Variants in ITGA5 observed in about 807,000 individuals in gnomAD.
The protein encoded by ITGA5 is integrin subunit alpha 5.
A neutral mutation model predicts 146.3 loss-of-function variants in ITGA5; 55 were observed. The observed-to-expected ratio is 0.38, with a 90% CI of 0.30 to 0.47. The LOEUF is 0.47. Ranked by LOEUF, ITGA5 falls within the 20% of genes least tolerant of loss-of-function variation. The pLI is 0.99. For missense variants in ITGA5, 1,131 were observed against 1,329.0 expected (o/e 0.85, Z 2.32); for synonymous variants, 500 against 531.8 (o/e 0.94, Z 0.82).
rs1955699944 is a variant in ITGA5 at position 54,395,805 on chromosome 12, G to C, written c.*488C>G. 1 of 160,910 alleles carries C rather than the reference G, an allele frequency of 6.2e-6. No individual in the cohort carries two copies. The highest frequency in any genetic ancestry group is 2.4e-5 in the African/African-American group (1 of 41,490). The allele number at this position is 160,910 out of a possible 1,614,324, so 10.0% of individuals were successfully genotyped here. Reference sequence around the variant, plus strand: ...GTTAGTGTTCTTTGTTGGCCCACCAGGGTGGGGCTGTCCAGAGCTGCCAGG... The same window carrying C: ...GTTAGTGTTCTTTGTTGGCCCACCACGGTGGGGCTGTCCAGAGCTGCCAGG... On this transcript the variant is annotated 3_prime_UTR_variant, in exon 30 of 30. Coordinates refer to ENST00000293379, the MANE Select transcript of ITGA5 (RefSeq NM_002205.5).
chr12:54,403,957 A>C lies in ITGA5; in HGVS notation c.1575T>G (p.Leu525=), dbSNP rs375671275. The stretch of plus-strand genomic sequence containing the variant: ...TTCCAGAAGCATTGAGGCAGAAGCT[A>C]AGGTTGATGCTGGAGAGAGACCAAG... ...LEGNPVACIN[L]SFCLNASGKH... Residue 525 remains leucine, a synonymous_variant, in exon 16 of 30, where the codon CTT becomes CTG. Coordinates refer to ENST00000293379, the MANE Select transcript of ITGA5 (RefSeq NM_002205.5). The surrounding 1 kb of genome is among the most constrained non-coding windows in gnomAD (Gnocchi z 4.9). 8 of 1,614,080 alleles carry C rather than the reference A, an allele frequency of 5.0e-6. No individual in the cohort carries two copies. In the African/African-American group the frequency reaches 9.3e-5, roughly 19 times the overall value.
At chr12:54,411,725 C>G in intron 2 of ITGA5, 109 bp downstream of exon 2, 1 of 930,766 alleles carries the variant, frequency 1.1e-6, no homozygotes, top group Non-Finnish European at 1.5e-6. Context: ...TGAGAGGTCA[C>G]GTGGCCGGGG....
At position 54,407,629 on chromosome 12, in the gene ITGA5, G is replaced by C. The variant is rs929827879; in HGVS notation, c.906+20C>G. On this transcript the variant is annotated intron_variant, in intron 9 of 29. Coordinates refer to ENST00000293379, the MANE Select transcript of ITGA5 (RefSeq NM_002205.5). Reference sequence around the variant, plus strand: ...TTAGGCAGGGGAGGAGAGGAAGTGAGGGGTCAGGCTGGGTCTTACATAGCC... The same window carrying C: ...TTAGGCAGGGGAGGAGAGGAAGTGACGGGTCAGGCTGGGTCTTACATAGCC... 2 of 1,603,612 alleles carry C rather than the reference G, an allele frequency of 1.2e-6. No individual in the cohort carries two copies. Among genetic ancestry groups the C allele is most frequent in the East Asian group, 4.5e-5 (2 of 44,828 alleles).
chr12:54,405,318 C>T lies in ITGA5; in HGVS notation c.1073G>A (p.Arg358Gln), dbSNP rs769749826. Reference protein sequence around the residue: ...PLLMDRTPDGRPQEVGRVYVY... With the variant: ...PLLMDRTPDGQPQEVGRVYVY... ...GTAGACCCTGCCCACCTCCTGAGGCCGCCCGTCAGGGGTCCGATCCATGAG... is the reference window on the plus strand; with the variant it reads ...GTAGACCCTGCCCACCTCCTGAGGCTGCCCGTCAGGGGTCCGATCCATGAG... Residue 358 changes from arginine to glutamine, a missense_variant, in exon 12 of 30, where the codon CGG becomes CAG. Transcript: ENST00000293379. 2.4e-5 allele frequency: 39 copies of T among 1,612,894 alleles called. No individual in the cohort carries two copies. Among genetic ancestry groups the T allele is most frequent in the Middle Eastern group, 1.8e-4 (1 of 5,692 alleles).
intron 9 of ITGA5, among the ~76,000 whole-genome samples, chr12:54,406,585 TC>T (rs1422425627): frequency 6.6e-6 from 1 of 152,224 alleles, no homozygotes; most frequent in African/African-American, 2.4e-5. Flanking sequence ...TGGCTGGTCC[TC>T]CAAAGCTCTG....
chr12:54,409,618 G>A lies in ITGA5; in HGVS notation c.350-21C>T. On this transcript the variant is annotated intron_variant, in intron 2 of 29. Transcript: ENST00000293379. The surrounding 1 kb of genome is among the most constrained non-coding windows in gnomAD (Gnocchi z 4.7). ...AGAGCCTTGTGGAAGTGAGAAGGGG[G>A]AGTCTTACTGAGCCATGGACATTTG... The A allele has an allele frequency of 2.0e-6, 3 of 1,521,314 alleles. No individual in the cohort carries two copies. Among genetic ancestry groups the A allele is most frequent in the Non-Finnish European group, 2.7e-6 (3 of 1,102,420 alleles). 94.2% of individuals were successfully genotyped at this position (1,521,314 alleles called of 1,614,324 possible).
chr12:54,407,282 T>C lies in ITGA5; in HGVS notation c.906+367A>G, dbSNP rs536866216. The C allele has an allele frequency of 8.0e-5, 21 of 261,724 alleles. No individual in the cohort carries two copies. In the South Asian group the frequency reaches 1.3e-3, roughly 16 times the overall value. The allele number at this position is 261,724 out of a possible 1,614,324, so 16.2% of individuals were successfully genotyped here. A position where few individuals can be genotyped will look rare whatever the true frequency, so the allele number is the denominator to read the frequency against. ...TGAATGAAATCCGATGGCACTCTTA[T>C]CTGTATCTTTTAAAAAGCACTTGTC... is the stretch of plus-strand genomic sequence containing the variant. On this transcript the variant is annotated intron_variant, in intron 9 of 29. Coordinates refer to ENST00000293379, the MANE Select transcript of ITGA5 (RefSeq NM_002205.5).
rs1298250227 is a variant in ITGA5 at position 54,403,163 on chromosome 12, C to T, written c.1914+24G>A. The T allele has an allele frequency of 1.3e-6, 2 of 1,577,172 alleles. No homozygotes were observed. The highest frequency in any genetic ancestry group is 1.7e-6 in the Non-Finnish European group (2 of 1,162,770). The stretch of plus-strand genomic sequence containing the variant: ...TACCCAGGCCTCTGTCTTCCCAGGT[C>T]CCTTCTCCCTGCCCTGTCCTCACCT... On this transcript the variant is annotated intron_variant, in intron 18 of 29. Coordinates refer to ENST00000293379, the MANE Select transcript of ITGA5 (RefSeq NM_002205.5). This position sits in a 1 kb window ranked among gnomAD's most constrained non-coding sequence, Gnocchi z 4.9.
rs190077327 is a variant in ITGA5 at position 54,404,706 on chromosome 12, G to C, written c.1414C>G (p.Pro472Ala). Residue 472 changes from proline (P) to alanine (A), a missense_variant, in exon 13 of 30, where the codon CCT becomes GCT. Pro to Ala is a conservative substitution (Grantham distance 27, BLOSUM62 -1). Coordinates refer to ENST00000293379, the MANE Select transcript of ITGA5 (RefSeq NM_002205.5). ...AGGGGCCTCAGGCACAACTCACCAGGATATCCATTGCCATCCAGGTCTCGG... is the reference window on the plus strand; with the variant it reads ...AGGGGCCTCAGGCACAACTCACCAGCATATCCATTGCCATCCAGGTCTCGG... ...GGRDLDGNGY[P>A]DLIVGSFGVD... is the part of the protein sequence containing the mutation. The C allele has an allele frequency of 3.1e-6, 5 of 1,613,226 alleles. No homozygotes were observed. Among genetic ancestry groups the C allele is most frequent in the Non-Finnish European group, 4.2e-6 (5 of 1,179,506 alleles).
At chr12:54,397,872 C>G (rs1015382644) in intron 28 of ITGA5, among the ~76,000 whole-genome samples, 9 of 151,894 alleles carry the variant, frequency 5.9e-5, no homozygotes, top group Non-Finnish European at 1.2e-4. Flanking sequence ...ACAATATTGT[C>G]TCTTACTTTC....
chr12:54,397,175 T>C, intron 29 of ITGA5, 190 bp downstream of exon 29: 1 of 503,546 alleles, frequency 2.0e-6, no homozygotes, highest in East Asian at 3.3e-5. Context: ...GAGGACCCTT[T>C]CTAAGCTAGG....
In ITGA5 at chr12:54,408,090, T is replaced by G. The variant is rs1450837324; in HGVS notation, c.817+20A>C. On this transcript the variant is annotated intron_variant, in intron 7 of 29. Transcript: ENST00000293379. ...CTTGAGGTTCTCCCTCTGCCATCCC[T>G]TCCCCACTTGCTTGCTCACCTAGGT... The G allele has an allele frequency of 6.2e-7, 1 of 1,613,890 alleles. No individual in the cohort carries two copies. The highest frequency in any genetic ancestry group is 1.1e-5 in the South Asian group (1 of 91,064).
intron 9 of ITGA5, chr12:54,406,128 C>T (rs1955863263): frequency 1.7e-6 from 1 of 600,402 alleles, no homozygotes; most frequent in Non-Finnish European, 3.0e-6. Context: ...CTATTTTTCT[C>T]CCTATCAATC....
intron 25 of ITGA5, 181 bp downstream of exon 25, chr12:54,400,665 G>A (rs189545224): frequency 5.1e-4 from 295 of 578,456 alleles, no homozygotes; most frequent in Non-Finnish European, 6.0e-4. Flanking sequence ...AAGAAACACA[G>A]TGGATGAAAG....
Position 54,402,235 on chromosome 12 carries a change from A to C in ITGA5, c.2078T>G (p.Leu693Arg). Residue 693 changes from leucine (L) to arginine (R), a missense_variant, in exon 20 of 30, where the codon CTT (leucine) becomes CGT (arginine). Leu to Arg is a moderately radical substitution (Grantham distance 102). Around this residue, in one of 3 missense-constraint regions of ITGA5, gnomAD observed 889 missense variants for 1,021.5 expected, o/e 0.87. Transcript: ENST00000293379. ...VGEGGAYEAELRVTAPPEAEY... is the reference protein window; with the variant it reads ...VGEGGAYEAERRVTAPPEAEY... ...AGCCTCTGGAGGGGCGGTGACCCGA[A>C]GCTCAGCCTCATAGGCGCCACCCTC... 6.2e-7 allele frequency: 1 copy of C among 1,614,144 alleles called. No individual in the cohort carries two copies. Among genetic ancestry groups the C allele is most frequent in the Non-Finnish European group, 8.5e-7 (1 of 1,180,010 alleles).
chr12:54,397,267 C>G lies in ITGA5; in HGVS notation c.3066+98G>C. On this transcript the variant is annotated intron_variant, in intron 29 of 29. Transcript: ENST00000293379. ...CCAGGACAGAGGTGGGGGCACATGG[C>G]TGGTGAACTGGTCTAGAGGTAGATA... 5.1e-6 allele frequency: 7 copies of G among 1,369,226 alleles called. No homozygotes were observed. The South Asian group carries it at 8.6e-5, about 17-fold the overall frequency. The allele number at this position is 1,369,226 out of a possible 1,614,324, so 84.8% of individuals were successfully genotyped here. A position where few individuals can be genotyped will look rare whatever the true frequency, so the allele number is the denominator to read the frequency against.
chr12:54,410,725 A>AT (rs144213530), intron 2 of ITGA5, among the ~76,000 whole-genome samples: 5,704 of 134,940 alleles, frequency 0.042, 236 homozygotes, highest in African/African-American at 0.1. Context: ...TGCCTGGCTA[A>AT]TTTTTTTTTT....
chr12:54,414,733 C>G (rs760105989), intron 1 of ITGA5, among the ~76,000 whole-genome samples: 1 of 150,344 alleles, frequency 6.7e-6, no homozygotes, highest in Non-Finnish European at 1.5e-5. Context: ...TGTAGTCCCA[C>G]CTACTAGGGA....
rs199608445 is a variant in ITGA5 at position 54,414,673 on chromosome 12, C to T, written c.219-2709G>A. On this transcript the variant is annotated intron_variant, in intron 1 of 29. Coordinates refer to ENST00000293379, the MANE Select transcript of ITGA5 (RefSeq NM_002205.5). ...CATCCTGGCTAACATGGTGAAACTC[C>T]GTCTCTACTAAAAATACAAAAAAAT... 3.5e-4 allele frequency among the ~76,000 whole-genome samples: 53 copies of T among 150,474 alleles called. No homozygotes were observed. The East Asian group carries it at 9.5e-3, about 27-fold the overall frequency.
Sources: gnomAD v4.1 joint callset for allele counts (sites outside exome capture counted in the v4.1 genomes callset) on GRCh38, gnomAD v4.1.1 for gene constraint, gnomAD v4.1.1 regional missense constraint, Gnocchi (gnomAD v3.1) non-coding constraint, MANE v1.5 for transcripts, NCBI Gene and HGNC (gene_info 2026-07-23, HGNC 2026-07-21) for gene names.